LTB4R: variants seen among roughly 807,000 people sequenced by gnomAD.
LTB4R encodes leukotriene B4 receptor.
For missense variants in LTB4R, 470 were observed against 485.6 expected, an observed-to-expected ratio of 0.97 and a Z score of 0.30; for synonymous variants, 250 against 230.7, an observed-to-expected ratio of 1.08 and a Z score of -0.76.
Position 24,316,214 on chromosome 14 carries a change from C to T in LTB4R, c.563C>T (p.Thr188Met), listed in dbSNP as rs2041768759. Residue 188 changes from threonine to methionine, a missense_variant, in exon 2 of 2, where the codon ACG becomes ATG. By Grantham distance (81) the Thr-to-Met change is moderately conservative. Coordinates refer to ENST00000345363, the MANE Select transcript of LTB4R (RefSeq NM_001143919.3). The stretch of plus-strand genomic sequence containing the variant: ...TTCCATCTAATCTTCGAGGCTGTCA[C>T]GGGCTTCCTGCTGCCCTTCCTGGCT... ...RAFHLIFEAVTGFLLPFLAVV... is the reference protein window; with the variant it reads ...RAFHLIFEAVMGFLLPFLAVV... The T allele has an allele frequency of 6.2e-7, 1 of 1,613,720 alleles. No individual in the cohort carries two copies. Among genetic ancestry groups the T allele is most frequent in the South Asian group, 1.1e-5 (1 of 91,082 alleles).
At position 24,315,871 on chromosome 14, in the gene LTB4R, T is replaced by A; in HGVS notation, c.220T>A (p.Phe74Ile). The stretch of plus-strand genomic sequence containing the variant: ...GGCCGTATTGCTCACTGCTCCCTTT[T>A]TCCTTCACTTCCTGGCCCAAGGCAC... Reference protein sequence around the residue: ...DLAVLLTAPFFLHFLAQGTWS... With the variant: ...DLAVLLTAPFILHFLAQGTWS... Residue 74 changes from phenylalanine (F) to isoleucine (I), a missense_variant, in exon 2 of 2, where the codon TTC becomes ATC. Phe to Ile is a conservative substitution (Grantham distance 21, BLOSUM62 0). Transcript: ENST00000345363. 3.1e-6 allele frequency: 5 copies of A among 1,614,244 alleles called. No individual in the cohort carries two copies. The highest frequency in any genetic ancestry group is 4.2e-6 in the Non-Finnish European group (5 of 1,180,050).
rs1566424389 is a variant in LTB4R at position 24,311,561 on chromosome 14, A to G, written c.-259A>G. On this transcript the variant is annotated 5_prime_UTR_variant, in exon 1 of 2. Coordinates refer to ENST00000345363, the MANE Select transcript of LTB4R (RefSeq NM_001143919.3). ...CCGCTGGAGATCTGCTGCCCCGGGC[A>G]GGTCCCCGTTTCCTCACGCGGCTCT... The G allele has an allele frequency of 6.2e-7, 1 of 1,609,390 alleles. No homozygotes were observed. The highest frequency in any genetic ancestry group is 2.2e-5 in the East Asian group (1 of 44,880).
chr14:24,311,591 A>G lies in LTB4R; in HGVS notation c.-229A>G. On this transcript the variant is annotated 5_prime_UTR_variant, in exon 1 of 2. Transcript: ENST00000345363. ...CCCGTTTCCTCACGCGGCTCTTCGA[A>G]GGCTCTGGGGAGGCCCGAGGGGGCG... 1 of 1,612,098 alleles carries G rather than the reference A, an allele frequency of 6.2e-7. No homozygotes were observed. Among genetic ancestry groups the G allele is most frequent in the South Asian group, 1.1e-5 (1 of 91,086 alleles).
In LTB4R at chr14:24,316,687, C is replaced by T. The variant is rs17849864; in HGVS notation, c.1036C>T (p.Leu346Phe). The T allele has an allele frequency of 2.0e-6, 3 of 1,538,164 alleles. No individual in the cohort carries two copies. The highest frequency in any genetic ancestry group is 1.7e-6 in the Non-Finnish European group (2 of 1,143,008). The change falls in exon 2 of 2, where the codon CTC becomes TTC. Residue 346 changes from leucine to phenylalanine, a missense_variant. Transcript: ENST00000345363. ...PSESLTASSPLKLNELN is the reference protein window; with the variant it reads ...PSESLTASSPFKLNELN The stretch of plus-strand genomic sequence containing the variant: ...CGAGAGCCTCACTGCCTCCAGCCCT[C>T]TCAAGTTAAACGAACTGAACTAGGC...
chr14:24,316,217 GC>G lies in LTB4R; in HGVS notation c.567del (p.Phe190SerfsTer15), dbSNP rs770109948. The G allele has an allele frequency of 1.2e-6, 2 of 1,613,526 alleles. No individual in the cohort carries two copies. The highest frequency in any genetic ancestry group is 2.7e-5 in the African/African-American group (2 of 74,954). ...CATCTAATCTTCGAGGCTGTCACGG[GC>G]TTCCTGCTGCCCTTCCTGGCTGTGG... ...AFHLIFEAVT[G>X]FLLPFLAVVA... On this transcript the variant is annotated frameshift_variant, in exon 2 of 2. Transcript: ENST00000345363. LOFTEE classifies it low-confidence loss of function (END_TRUNC).
Position 24,316,451 on chromosome 14 carries a change from G to A in LTB4R, c.800G>A (p.Arg267His). Reference sequence around the variant, plus strand: ...GTGGGGAAGCGGCTGAGCCTGGCCCGCAACGTGCTCATCGCACTCGCCTTC... The same window carrying A: ...GTGGGGAAGCGGCTGAGCCTGGCCCACAACGTGCTCATCGCACTCGCCTTC... The part of the protein sequence containing the change: ...GLVGKRLSLA[R>H]NVLIALAFLS... Residue 267 changes from arginine to histidine, a missense_variant, in exon 2 of 2, where the codon CGC (arginine) becomes CAC (histidine). Transcript: ENST00000345363. 6.4e-7 allele frequency: 1 copy of A among 1,569,104 alleles called. No individual in the cohort carries two copies. Among genetic ancestry groups the A allele is most frequent in the Non-Finnish European group, 8.6e-7 (1 of 1,160,284 alleles).
rs754235791 is a variant in LTB4R, at chr14:24,315,801, C to T, written c.150C>T (p.Arg50=). 1.9e-6 allele frequency: 3 copies of T among 1,614,142 alleles called. No homozygotes were observed. The highest frequency in any genetic ancestry group is 2.2e-5 in the East Asian group (1 of 44,906). The change falls in exon 2 of 2, where the codon CGC becomes CGT. Residue 50 remains arginine, a synonymous_variant. Transcript: ENST00000345363. ...GTATCCTGAAAAGGATGCAGAAGCG[C>T]TCTGTCACTGCCCTGATGGTGCTGA... ...VWSILKRMQK[R]SVTALMVLNL... is the part of the protein sequence containing the mutation.
rs1396390223 is a variant in LTB4R, at chr14:24,316,633, GGCCCCGCCGCTCTGGA to G, written c.987_1002del (p.Ala331LeufsTer13). On this transcript the variant is annotated frameshift_variant, in exon 2 of 2. Coordinates refer to ENST00000345363, the MANE Select transcript of LTB4R (RefSeq NM_001143919.3). LOFTEE classifies it low-confidence loss of function (END_TRUNC). Reference sequence around the variant, plus strand: ...CAGCCTGGGCCAGACCGCTAGGAGCGGCCCCGCCGCTCTGGAGCCCGGCCCTTCCGAGAGCCTCACT... The same window carrying G: ...CAGCCTGGGCCAGACCGCTAGGAGCGGCCCGGCCCTTCCGAGAGCCTCACT... 6.6e-6 allele frequency: 10 copies of G among 1,517,984 alleles called. No homozygotes were observed. The highest frequency in any genetic ancestry group is 7.1e-6 in the Non-Finnish European group (8 of 1,134,514). The allele number at this position is 1,517,984 out of a possible 1,614,324, so 94.0% of individuals were successfully genotyped here. A position where few individuals can be genotyped will look rare whatever the true frequency, so the allele number is the denominator to read the frequency against.
Position 24,311,698 on chromosome 14 carries a change from C to A in LTB4R, c.-122C>A. The A allele has an allele frequency of 1.9e-6, 3 of 1,605,826 alleles. No homozygotes were observed. Among genetic ancestry groups the A allele is most frequent in the South Asian group, 2.2e-5 (2 of 90,754 alleles). On this transcript the variant is annotated 5_prime_UTR_variant, in exon 1 of 2. Coordinates refer to ENST00000345363, the MANE Select transcript of LTB4R (RefSeq NM_001143919.3). ...GGGCAGGGCCGCGGCAATGGAGACCCGGGGGGTGGGATGGAGAAGGACGGT... is the reference window on the plus strand; with the variant it reads ...GGGCAGGGCCGCGGCAATGGAGACCAGGGGGGTGGGATGGAGAAGGACGGT...
In LTB4R at chr14:24,315,831, G is replaced by A. The variant is rs746069412; in HGVS notation, c.180G>A (p.Leu60=). 1.2e-6 allele frequency: 2 copies of A among 1,614,126 alleles called. No homozygotes were observed. The highest frequency in any genetic ancestry group is 1.7e-5 in the Admixed American group (1 of 60,016). Residue 60 remains leucine (L), a synonymous_variant, in exon 2 of 2, where the codon CTG becomes CTA. Transcript: ENST00000345363. The part of the protein sequence containing the change: ...RSVTALMVLN[L]ALADLAVLLT... ...TCACTGCCCTGATGGTGCTGAACCT[G>A]GCCCTGGCCGACCTGGCCGTATTGC...
Sources: gnomAD v4.1 joint callset for allele counts on GRCh38, gnomAD v4.1.1 for gene constraint, MANE v1.5 for transcripts, NCBI Gene and HGNC (gene_info 2026-07-23, HGNC 2026-07-21) for gene names.